The following FNTA variants were observed in gnomAD, a reference collection of about 807,000 sequenced individuals.
FNTA encodes the protein protein farnesyltransferase/geranylgeranyltransferase type-1 subunit alpha.
Under a neutral mutation model 55.2 loss-of-function variants are expected in FNTA, and 27 were observed. That is an observed-to-expected ratio of 0.49 (90% confidence interval 0.36 to 0.67). FNTA has a LOEUF of 0.67. FNTA is among the 30% of genes least tolerant of loss of function. FNTA has a pLI of 0.00. For synonymous variants in FNTA, 176 were observed against 170.7 expected (o/e 1.03, Z -0.24); for missense variants, 422 against 464.7 (o/e 0.91, Z 0.85).
intron 5 of FNTA, among the ~76,000 whole-genome samples, chr8:43,076,013 T>C (rs1322236731): frequency 2.0e-5 from 3 of 151,932 alleles, no homozygotes; most frequent in African/African-American, 4.8e-5. Context: ...TCTAGGCATG[T>C]GCCACGATGC....
intron 2 of FNTA, chr8:43,063,402 G>A: frequency 4.6e-6 from 2 of 432,138 alleles, no homozygotes; most frequent in Non-Finnish European, 9.2e-6. Flanking sequence ...CACACATATG[G>A]GAGTATATTT....
intron 2 of FNTA, 41 bp from the exon 3 acceptor site, chr8:43,064,060 A>C: frequency 8.1e-7 from 1 of 1,227,718 alleles, no homozygotes; most frequent in Non-Finnish European, 1.2e-6. Context: ...TGCTAATTTT[A>C]AGTAAGATGG....
intron 2 of FNTA, among the ~76,000 whole-genome samples, chr8:43,060,200 A>G (rs1765518613): frequency 6.6e-6 from 1 of 152,236 alleles, no homozygotes; most frequent in Non-Finnish European, 1.5e-5. Context: ...GATAGTATAT[A>G]TGAAGAGACA....
intron 1 of FNTA, among the ~76,000 whole-genome samples, chr8:43,058,724 C>T (rs2130539008): frequency 6.6e-6 from 1 of 152,178 alleles, no homozygotes; most frequent in East Asian, 1.9e-4. Flanking sequence ...TTGCAGTGAG[C>T]CGAGATGACA....
chr8:43,083,093 T>G (rs1811056415), intron 6 of FNTA, 25 bp from the exon 7 acceptor site: 2 of 1,344,650 alleles, frequency 1.5e-6, no homozygotes, highest in African/African-American at 1.5e-5. Context: ...TCTTTTAAAA[T>G]TGTATATATA....
In FNTA at chr8:43,085,339, G is replaced by T; in HGVS notation, c.*57G>T. ...TATTTTTTATTAAGGGACCCTGCAG[G>T]AGTTTCACACGAGAGTGGTCCTTCC... On this transcript the variant is annotated 3_prime_UTR_variant, in exon 9 of 9. Coordinates refer to ENST00000302279, the MANE Select transcript of FNTA (RefSeq NM_002027.3). 1 of 1,541,928 alleles carries T rather than the reference G, an allele frequency of 6.5e-7. No individual in the cohort carries two copies. Among genetic ancestry groups the T allele is most frequent in the South Asian group, 1.2e-5 (1 of 85,358 alleles).
chr8:43,069,215 A>T (rs1352969803), intron 3 of FNTA, among the ~76,000 whole-genome samples: 4 of 151,744 alleles, frequency 2.6e-5, no homozygotes, highest in Non-Finnish European at 5.9e-5. Context: ...TCCTGGGTTC[A>T]AGCAATTCTC....
chr8:43,064,385 T>A (rs1358307719), intron 3 of FNTA, among the ~76,000 whole-genome samples, 170 bp downstream of exon 3: 1 of 152,156 alleles, frequency 6.6e-6, no homozygotes, highest in East Asian at 1.9e-4. Context: ...CAATCTTGGC[T>A]CACTGCAACC....
intron 5 of FNTA, 144 bp from the exon 6 acceptor site, chr8:43,077,072 T>C: frequency 4.0e-6 from 2 of 502,144 alleles, no homozygotes; most frequent in Admixed American, 3.8e-5. Context: ...CTATTTCCTT[T>C]ACTTGCAGCT....
intron 3 of FNTA, among the ~76,000 whole-genome samples, chr8:43,064,469 C>T (rs368033268): frequency 1.3e-5 from 2 of 151,772 alleles, no homozygotes; most frequent in Non-Finnish European, 2.9e-5. Flanking sequence ...CCCACCACCA[C>T]GCCCAGCTAA....
chr8:43,064,157 C>A lies in FNTA; in HGVS notation c.343C>A (p.Arg115=), dbSNP rs767603793. The change falls in exon 3 of 9, where the codon CGA becomes AGA. Residue 115 remains arginine (R), a synonymous_variant. Transcript: ENST00000302279. ...CCTGCAGCGTGATGAAAGAAGTGAA[C>A]GAGCTTTTAAGCTAACCCGGGATGC... is the stretch of plus-strand genomic sequence containing the variant. ...AVLQRDERSE[R]AFKLTRDAIE... 1 of 1,614,066 alleles carries A rather than the reference C, an allele frequency of 6.2e-7. No individual in the cohort carries two copies. Among genetic ancestry groups the A allele is most frequent in the Admixed American group, 1.7e-5 (1 of 60,014 alleles).
chr8:43,083,847 C>T (rs1398506427), intron 7 of FNTA, among the ~76,000 whole-genome samples: 3 of 152,062 alleles, frequency 2.0e-5, no homozygotes, highest in Non-Finnish European at 2.9e-5. Flanking sequence ...CCAAGATGGG[C>T]GGATTACTTG....
intron 4 of FNTA, chr8:43,070,124 T>A (rs1265734970): frequency 6.8e-6 from 1 of 147,990 alleles, no homozygotes; most frequent in Non-Finnish European, 1.5e-5. Flanking sequence ...TGTGGTGGCG[T>A]GCCTGTAATC....
At chr8:43,057,012 C>T (rs942478861) in intron 1 of FNTA, 1 of 152,244 alleles carries the variant, frequency 6.6e-6, no homozygotes, top group Non-Finnish European at 1.5e-5. Flanking sequence ...CAGTGGCTGG[C>T]TCTGCTTGGA....
intron 1 of FNTA, among the ~76,000 whole-genome samples, chr8:43,058,494 G>C (rs985501216): frequency 6.6e-6 from 1 of 152,178 alleles, no homozygotes; most frequent in Non-Finnish European, 1.5e-5. Context: ...CTGTGAGGCA[G>C]GGAGCGGTGG....
intron 3 of FNTA, among the ~76,000 whole-genome samples, chr8:43,064,802 AT>A: frequency 6.7e-6 from 1 of 149,828 alleles, no homozygotes; most frequent in Admixed American, 6.6e-5. Flanking sequence ...AACTGTTATT[AT>A]TTTTTCATTT....
At chr8:43,063,336 CTT>C (rs765492943) in intron 2 of FNTA, 1 of 455,412 alleles carries the variant, frequency 2.2e-6, no homozygotes, top group African/African-American at 2.0e-5. Context: ...CTGCCTCAGT[CTT>C]TTGTTTGTTT....
intron 3 of FNTA, among the ~76,000 whole-genome samples, chr8:43,067,280 G>A (rs1294096557): frequency 6.6e-6 from 1 of 152,100 alleles, no homozygotes; most frequent in South Asian, 2.1e-4. Context: ...TCATACCTCT[G>A]ATTTCTGGAA....
intron 7 of FNTA, among the ~76,000 whole-genome samples, chr8:43,083,698 A>G (rs1358713525): frequency 2.0e-5 from 3 of 152,234 alleles, no homozygotes; most frequent in Non-Finnish European, 2.9e-5. Flanking sequence ...AGCACAAAGT[A>G]TGGAACCAGT....
Sources: allele counts gnomAD v4.1 joint callset (sites outside exome capture counted in the v4.1 genomes callset), GRCh38; gene constraint gnomAD v4.1.1; transcripts MANE v1.5; gene names NCBI Gene and HGNC (gene_info 2026-07-23, HGNC 2026-07-21).